Variants in RANBP17 observed in about 807,000 individuals in gnomAD.
The protein encoded by RANBP17 is ran-binding protein 17.
Under a neutral mutation model 141.2 loss-of-function variants are expected in RANBP17, and 158 were observed. The ratio of observed to expected loss-of-function variants is 1.12; its 90% CI spans 0.98 to 1.28. RANBP17 has a LOEUF of 1.28. Among genes scored for constraint, RANBP17 ranks in the 50% most tolerant of loss-of-function variants. The pLI, the probability that RANBP17 is intolerant of heterozygous loss-of-function variation, is 0.00. For missense variants in RANBP17, 1,438 were observed against 1,290.7 expected, an observed-to-expected ratio of 1.11 and a Z score of -1.75; for synonymous variants, 430 against 450.0, an observed-to-expected ratio of 0.96 and a Z score of 0.56.
intron 21 of RANBP17, among the ~76,000 whole-genome samples, chr5:171,219,037 C>T (rs950493606): frequency 6.6e-6 from 1 of 151,776 alleles, no homozygotes. Context: ...GCTGGTTTTT[C>T]CTTTCCATAT....
chr5:171,270,476 C>T (rs548197876), intron 25 of RANBP17, among the ~76,000 whole-genome samples: 14 of 152,060 alleles, frequency 9.2e-5, no homozygotes, highest in Non-Finnish European at 1.5e-4. Flanking sequence ...AGAGCCCAAC[C>T]GTAACAGTGA....
At chr5:171,140,206 G>C (rs1757595004) in intron 14 of RANBP17, among the ~76,000 whole-genome samples, 1 of 152,066 alleles carries the variant, frequency 6.6e-6, no homozygotes, top group South Asian at 2.1e-4. Context: ...TTCCATTATA[G>C]CAACTCGCAC....
intron 12 of RANBP17, among the ~76,000 whole-genome samples, chr5:170,929,857 A>G (rs1462758804): frequency 1.3e-5 from 2 of 152,108 alleles, no homozygotes; most frequent in South Asian, 2.1e-4. Context: ...ATAATTGTGA[A>G]TTCATTTTCT....
chr5:171,282,352 AAGATAG>A (rs1458418336), intron 25 of RANBP17, among the ~76,000 whole-genome samples: 1 of 152,248 alleles, frequency 6.6e-6, no homozygotes, highest in Non-Finnish European at 1.5e-5. Context: ...CAGAGCCAGT[AAGATAG>A]GACCCAAGAA....
At chr5:171,086,517 G>A (rs1263281742) in intron 14 of RANBP17, among the ~76,000 whole-genome samples, 1 of 131,044 alleles carries the variant, frequency 7.6e-6, no homozygotes, top group Admixed American at 7.8e-5. Flanking sequence ...TCTATTGATT[G>A]GAATAGTTTC....
At chr5:170,982,763 A>G (rs180987738) in intron 14 of RANBP17, among the ~76,000 whole-genome samples, 3 of 152,308 alleles carry the variant, frequency 2.0e-5, no homozygotes, top group Admixed American at 2.0e-4. Flanking sequence ...GAGTGAAAGA[A>G]GATCCATATT....
intron 12 of RANBP17, among the ~76,000 whole-genome samples, chr5:170,926,933 A>G (rs1490168516): frequency 6.6e-6 from 1 of 152,108 alleles, no homozygotes; most frequent in African/African-American, 2.4e-5. Context: ...AGCTATTTTC[A>G]TAATATAGAG....
chr5:171,155,017 G>T (rs1260974331), intron 14 of RANBP17, among the ~76,000 whole-genome samples: 2 of 147,410 alleles, frequency 1.4e-5, no homozygotes, highest in African/African-American at 5.0e-5. Context: ...GGCAGAGGTT[G>T]CAGTGAGCTG....
intron 19 of RANBP17, among the ~76,000 whole-genome samples, chr5:171,200,136 A>G (rs1270180404): frequency 2.6e-5 from 4 of 152,232 alleles, no homozygotes; most frequent in African/African-American, 9.6e-5. Context: ...ATGCACAAAC[A>G]TACACATACT....
intron 14 of RANBP17, among the ~76,000 whole-genome samples, chr5:171,141,621 C>CAAA (rs10691735): frequency 0.015 from 807 of 54,460 alleles, 55 homozygotes; most frequent in African/African-American, 0.029. Flanking sequence ...GACTCCATCT[C>CAAA]AAAAAAAAAA....
chr5:171,213,547 T>TTG, intron 20 of RANBP17, 84 bp from the exon 21 acceptor site: 3 of 892,458 alleles, frequency 3.4e-6, no homozygotes, highest in Non-Finnish European at 5.6e-6. Flanking sequence ...GGATTCCCTT[T>TTG]TGTGTGTGTG....
Position 171,118,130 on chromosome 5 carries a change from A to G in RANBP17, c.1711-52000A>G, listed in dbSNP as rs191962311. ...TGGTAGTTTTATTGTTTTAGGTCTT[A>G]CATTTAGGTCTTTGATCTATTTTGA... On this transcript the variant is annotated intron_variant, in intron 14 of 27. Coordinates refer to ENST00000523189, the MANE Select transcript of RANBP17 (RefSeq NM_022897.5). Among the ~76,000 whole-genome samples the G allele has an allele frequency of 3.5e-3, 535 of 152,292 alleles. 3 individuals are homozygous for G. Among genetic ancestry groups the G allele is most frequent in the Non-Finnish European group, 5.8e-3 (394 of 68,018 alleles).
At chr5:171,085,297 G>A (rs1312359863) in intron 14 of RANBP17, among the ~76,000 whole-genome samples, 24 of 140,022 alleles carry the variant, frequency 1.7e-4, no homozygotes, top group Middle Eastern at 3.8e-3. Context: ...ATTTCTGAGG[G>A]CTCTGTTCTG....
intron 14 of RANBP17, among the ~76,000 whole-genome samples, chr5:171,068,450 C>A (rs1263976326): frequency 2.0e-5 from 3 of 152,116 alleles, no homozygotes; most frequent in African/African-American, 7.2e-5. Context: ...CTTATACTTT[C>A]CTGGTTTCTC....
chr5:171,217,959 C>G (rs1763317451), intron 21 of RANBP17, among the ~76,000 whole-genome samples: 1 of 152,054 alleles, frequency 6.6e-6, no homozygotes, highest in African/African-American at 2.4e-5. Context: ...TTTTGGTTTT[C>G]TATTTCTTTT....
chr5:171,152,196 T>C (rs1292599145), intron 14 of RANBP17, among the ~76,000 whole-genome samples: 6 of 151,464 alleles, frequency 4.0e-5, no homozygotes, highest in Non-Finnish European at 7.4e-5. Context: ...GAGGATCACT[T>C]GAGGTCAGGA....
At chr5:171,095,689 G>A (rs889723530) in intron 14 of RANBP17, among the ~76,000 whole-genome samples, 12 of 152,130 alleles carry the variant, frequency 7.9e-5, no homozygotes, top group Middle Eastern at 3.4e-3. Context: ...TTCTATTTCC[G>A]TGGATTGTAT....
intron 13 of RANBP17, among the ~76,000 whole-genome samples, chr5:170,960,021 C>T (rs1776019181): frequency 6.6e-6 from 1 of 152,176 alleles, no homozygotes; most frequent in Non-Finnish European, 1.5e-5. Context: ...GAGGGCTCCT[C>T]TGACCTCCCT....
chr5:171,056,951 A>G (rs1783426340), intron 14 of RANBP17, among the ~76,000 whole-genome samples: 1 of 152,130 alleles, frequency 6.6e-6, no homozygotes. Context: ...TCATTTTTTA[A>G]TATAACATGA....
Sources: allele counts gnomAD v4.1 joint callset (sites outside exome capture counted in the v4.1 genomes callset), GRCh38; gene constraint gnomAD v4.1.1; transcripts MANE v1.5; gene names NCBI Gene and HGNC (gene_info 2026-07-23, HGNC 2026-07-21).